The following THSD4 variants were observed in gnomAD, a reference collection of about 807,000 sequenced individuals.
THSD4 encodes thrombospondin type 1 domain containing 4.
In THSD4, 69 loss-of-function variants were observed where a neutral mutation model predicts 119.0. The ratio of observed to expected loss-of-function variants is 0.58; its 90% CI spans 0.48 to 0.71. The LOEUF is 0.71. THSD4 is among the 30% of genes least tolerant of loss of function. THSD4 has a pLI of 0.00. For synonymous variants in THSD4, 524 were observed against 540.4 expected (o/e 0.97, Z 0.42); for missense variants, 1,393 against 1,391.1 (o/e 1.00, Z -0.02).
intron 4 of THSD4, among the ~76,000 whole-genome samples, chr15:71,236,065 G>A (rs908576322): frequency 2.6e-5 from 4 of 152,118 alleles, no homozygotes; most frequent in East Asian, 1.9e-4. Flanking sequence ...GGCAGTCCCC[G>A]GGGCTGCTGC....
At chr15:71,548,644 G>C (rs904127737) in intron 7 of THSD4, among the ~76,000 whole-genome samples, 1 of 152,196 alleles carries the variant, frequency 6.6e-6, no homozygotes, top group African/African-American at 2.4e-5. Flanking sequence ...CCTGTGGGGG[G>C]ATTGAGCCCT....
At position 71,222,135 on chromosome 15, in the gene THSD4, T is replaced by C. The variant is rs557051205; in HGVS notation, c.464+6736T>C. ...GGTGGATTTCTTCCCATTCCCAAAA[T>C]GTCTGGGGAAAATGGCATCCAGAAA... On this transcript the variant is annotated intron_variant, in intron 4 of 17. Transcript: ENST00000261862. Among the ~76,000 whole-genome samples, 21 of 152,330 alleles carry C rather than the reference T, an allele frequency of 1.4e-4. 1 individual carries two copies. In the South Asian group the frequency reaches 4.1e-3, roughly 30 times the overall value.
In THSD4 at chr15:71,528,544, A is replaced by C. The variant is rs150595346; in HGVS notation, c.1152+116721A>C. ...CTCCTCATCTGGAAAATGGAAATAA[A>C]ATTTCTCCCCCGTGGTTATTAAAAT... On this transcript the variant is annotated intron_variant, in intron 7 of 17. Coordinates refer to ENST00000261862, the MANE Select transcript of THSD4 (RefSeq NM_024817.3). 5.5e-3 allele frequency among the ~76,000 whole-genome samples: 836 copies of C among 152,198 alleles called. 14 individuals are homozygous for C. In the South Asian group the frequency reaches 0.067, roughly 12 times the overall value.
intron 1 of THSD4, among the ~76,000 whole-genome samples, chr15:71,125,586 A>G (rs1385262747): frequency 3.3e-5 from 5 of 152,214 alleles, no homozygotes; most frequent in Non-Finnish European, 7.3e-5. Context: ...ACTGGAGAAT[A>G]AGCAGGGCTG....
In THSD4 at chr15:71,214,122, T is replaced by C. The variant is rs117815823; in HGVS notation, c.100-913T>C. On this transcript the variant is annotated intron_variant, in intron 3 of 17. Transcript: ENST00000261862. Reference sequence around the variant, plus strand: ...AACACACCAATCAGCACTCTGTGTATAGCTAGAGGATTGTATATGCACCAA... The same window carrying C: ...AACACACCAATCAGCACTCTGTGTACAGCTAGAGGATTGTATATGCACCAA... 3.0e-3 allele frequency among the ~76,000 whole-genome samples: 463 copies of C among 152,284 alleles called. 7 individuals carry two copies. Among genetic ancestry groups the C allele is most frequent in the East Asian group, 7.9e-3 (41 of 5,178 alleles).
intron 7 of THSD4, among the ~76,000 whole-genome samples, chr15:71,525,556 T>G (rs539156898): frequency 6.6e-6 from 1 of 152,364 alleles, no homozygotes; most frequent in East Asian, 1.9e-4. Context: ...GTTATACAGA[T>G]GTACAATGTA....
chr15:71,560,640 T>A (rs1343780377), intron 7 of THSD4, among the ~76,000 whole-genome samples: 1 of 152,234 alleles, frequency 6.6e-6, no homozygotes, highest in African/African-American at 2.4e-5. Context: ...ATTTGTGTTA[T>A]AAATATAGTT....
upstream of THSD4, chr15:71,111,407 A>G (rs767665608): frequency 1.5e-5 from 24 of 1,610,090 alleles, no homozygotes; most frequent in Non-Finnish European, 1.7e-6. Context: ...CTCAGACTGT[A>G]GGTCAGCATT....
At chr15:71,365,665 A>G (rs563119378) in intron 6 of THSD4, among the ~76,000 whole-genome samples, 2 of 152,180 alleles carry the variant, frequency 1.3e-5, no homozygotes, top group African/African-American at 4.8e-5. Flanking sequence ...TGGATTGGAG[A>G]TGAATCTTGT....
intron 7 of THSD4, among the ~76,000 whole-genome samples, chr15:71,507,471 A>G (rs1422600093): frequency 6.6e-6 from 1 of 152,180 alleles, no homozygotes; most frequent in Non-Finnish European, 1.5e-5. Flanking sequence ...AAAGGCCTGT[A>G]CTTAGTTGTG....
At chr15:71,378,152 CTA>C (rs752587209) in intron 6 of THSD4, among the ~76,000 whole-genome samples, 19 of 151,908 alleles carry the variant, frequency 1.3e-4, no homozygotes, top group African/African-American at 3.1e-4. Flanking sequence ...TTTATTATAA[CTA>C]TTGATTCTAA....
chr15:71,604,599 A>G (rs1292790236), intron 7 of THSD4, among the ~76,000 whole-genome samples: 2 of 152,224 alleles, frequency 1.3e-5, no homozygotes, highest in Non-Finnish European at 2.9e-5. Context: ...ACACCCACAC[A>G]AGTACCTGGT....
intron 6 of THSD4, among the ~76,000 whole-genome samples, chr15:71,370,430 T>G (rs1419154247): frequency 2.0e-5 from 3 of 152,350 alleles, no homozygotes; most frequent in Admixed American, 2.0e-4. Context: ...GTGCTATAAA[T>G]TTCCCTCTAC....
At chr15:71,397,398 C>G (rs954210273) in intron 6 of THSD4, among the ~76,000 whole-genome samples, 1 of 152,192 alleles carries the variant, frequency 6.6e-6, no homozygotes, top group Non-Finnish European at 1.5e-5. Flanking sequence ...ACTTACTATA[C>G]TGTCTGGAAT....
At chr15:71,621,505 A>G (rs2050417731) in intron 7 of THSD4, among the ~76,000 whole-genome samples, 2 of 152,196 alleles carry the variant, frequency 1.3e-5, no homozygotes. Flanking sequence ...AGAAAAAAAA[A>G]GGTAGTTTAC....
At chr15:71,768,924 T>TGGCTGCCCGGCC (rs2053763903) in intron 16 of THSD4, among the ~76,000 whole-genome samples, 1 of 144,720 alleles carries the variant, frequency 6.9e-6, no homozygotes, top group East Asian at 2.0e-4. Context: ...AAATCTTGGC[T>TGGCTGCCCGGCC]GGCTGCCCGG....
At chr15:71,190,241 AC>A (rs1343613985) in intron 3 of THSD4, among the ~76,000 whole-genome samples, 7 of 152,172 alleles carry the variant, frequency 4.6e-5, no homozygotes, top group African/African-American at 1.7e-4. Context: ...AGACATTCTA[AC>A]CGACACTTCC....
chr15:71,270,578 T>C (rs2044516313), intron 6 of THSD4, among the ~76,000 whole-genome samples: 1 of 152,176 alleles, frequency 6.6e-6, no homozygotes, highest in Admixed American at 6.5e-5. Context: ...AACAAAGGCC[T>C]AGACTAGTTA....
Position 71,737,725 on chromosome 15 carries a change from C to T in THSD4, c.1631-7C>T, listed in dbSNP as rs370160521. ...TGATTCTGTGTGTGCACGCTCACCT[C>T]TCCTAGGGGAACCCTTCAATGGCCA... On this transcript the variant is annotated splice_region_variant and splice_polypyrimidine_tract_variant and intron_variant, in intron 10 of 17. Transcript: ENST00000261862. 14 of 1,602,748 alleles carry T rather than the reference C, an allele frequency of 8.7e-6. No individual in the cohort carries two copies. In the African/African-American group the frequency reaches 1.6e-4, roughly 18 times the overall value.
Sources: allele counts gnomAD v4.1 joint callset (sites outside exome capture counted in the v4.1 genomes callset), GRCh38; gene constraint gnomAD v4.1.1; transcripts MANE v1.5; gene names NCBI Gene and HGNC (gene_info 2026-07-23, HGNC 2026-07-21).